The following ATP9B variants were observed in gnomAD, a reference collection of about 807,000 sequenced individuals.
ATP9B encodes the protein ATPase phospholipid transporting 9B.
Under a neutral mutation model 146.1 loss-of-function variants are expected in ATP9B, and 110 were observed. That is an observed-to-expected ratio of 0.75 (90% confidence interval 0.65 to 0.88). The LOEUF is 0.88. ATP9B is among the 40% of genes least tolerant of loss of function. ATP9B has a pLI of 0.00. For synonymous variants in ATP9B, 604 were observed against 569.7 expected (o/e 1.06, Z -0.86); for missense variants, 1,499 against 1,496.4 (o/e 1.00, Z -0.03).
chr18:79,275,997 T>C (rs2096304725), intron 12 of ATP9B, among the ~76,000 whole-genome samples: 2 of 152,256 alleles, frequency 1.3e-5, no homozygotes, highest in African/African-American at 4.8e-5. Flanking sequence ...GAGTGTGTAC[T>C]TATTAATAGT....
intron 12 of ATP9B, among the ~76,000 whole-genome samples, chr18:79,266,598 T>C (rs1367817238): frequency 6.6e-6 from 1 of 152,120 alleles, no homozygotes. Context: ...ATAGAAGCCT[T>C]TTAATGCCTT....
chr18:79,176,754 T>C, intron 7 of ATP9B, 59 bp from the exon 8 acceptor site: 2 of 1,434,684 alleles, frequency 1.4e-6, no homozygotes, highest in South Asian at 1.2e-5. Flanking sequence ...CACCTGTAGC[T>C]CAGGAAAAAC....
chr18:79,097,490 AT>A (rs974377905), intron 2 of ATP9B, among the ~76,000 whole-genome samples: 2 of 144,036 alleles, frequency 1.4e-5, no homozygotes, highest in South Asian at 2.2e-4. Context: ...TTAATTTTTT[AT>A]TTTTTTATTT....
At chr18:79,081,196 A>C (rs1176639738) in intron 1 of ATP9B, among the ~76,000 whole-genome samples, 1 of 152,164 alleles carries the variant, frequency 6.6e-6, no homozygotes, top group African/African-American at 2.4e-5. Context: ...AAGGAATGAT[A>C]CCAGCTCCTC....
At chr18:79,307,328 GA>G in intron 15 of ATP9B, 94 bp downstream of exon 15, 2 of 1,553,600 alleles carry the variant, frequency 1.3e-6, no homozygotes, top group South Asian at 2.4e-5. Context: ...GAATATAGAG[GA>G]GCAGTTTATC....
intron 13 of ATP9B, among the ~76,000 whole-genome samples, chr18:79,280,728 A>G (rs905880651): frequency 5.9e-5 from 9 of 151,862 alleles, no homozygotes; most frequent in African/African-American, 2.2e-4. Context: ...CAAATTTGAT[A>G]CATACTAGGC....
chr18:79,181,917 G>C (rs567762656), intron 8 of ATP9B, among the ~76,000 whole-genome samples: 28 of 152,014 alleles, frequency 1.8e-4, no homozygotes, highest in African/African-American at 2.7e-4. Context: ...TTTGGCCCTC[G>C]TTATAGGCCC....
chr18:79,336,640 G>A lies in ATP9B; in HGVS notation c.2041G>A (p.Ala681Thr), dbSNP rs1232008520. The change falls in exon 18 of 30, where the codon GCT becomes ACT. Residue 681 changes from alanine (A) to threonine (T), a missense_variant. Transcript: ENST00000426216. Reference sequence around the variant, plus strand: ...TCTCCTTTTCCAGTGCGGAAACATGGCTCGCGAAGGACTGCGGACCCTCGT... The same window carrying A: ...TCTCCTTTTCCAGTGCGGAAACATGACTCGCGAAGGACTGCGGACCCTCGT... ...DWLEEECGNM[A>T]REGLRTLVVA... The A allele has an allele frequency of 4.3e-6, 7 of 1,609,232 alleles. No homozygotes were observed. The highest frequency in any genetic ancestry group is 5.9e-6 in the Non-Finnish European group (7 of 1,178,032).
chr18:79,094,305 C>G (rs879724399), intron 1 of ATP9B, among the ~76,000 whole-genome samples: 4 of 152,206 alleles, frequency 2.6e-5, no homozygotes, highest in Non-Finnish European at 5.9e-5. Flanking sequence ...TTAGGGCATC[C>G]CTCGTCCAGC....
chr18:79,096,549 G>A lies in ATP9B; in HGVS notation c.193G>A (p.Glu65Lys), dbSNP rs372679952. ...GATGTCTGAAGAAGGCTTTGAGAATGAGGAAAGTGATTACCACACCTTACC... is the reference window on the plus strand; with the variant it reads ...GATGTCTGAAGAAGGCTTTGAGAATAAGGAAAGTGATTACCACACCTTACC... ...LMMSEEGFEN[E>K]ESDYHTLPRA... The change falls in exon 2 of 30, where the codon GAG (glutamate) becomes AAG (lysine). Residue 65 changes from glutamate (E) to lysine (K), a missense_variant. By Grantham distance (56) the Glu-to-Lys change is moderately conservative (BLOSUM62 1). Transcript: ENST00000426216. 80 of 1,613,906 alleles carry A rather than the reference G, an allele frequency of 5.0e-5. No individual in the cohort carries two copies. Among genetic ancestry groups the A allele is most frequent in the Non-Finnish European group, 6.4e-5 (75 of 1,179,932 alleles).
In ATP9B at chr18:79,154,603, A is replaced by G. The variant is rs763976237; in HGVS notation, c.778+48A>G. 10 of 1,294,334 alleles carry G rather than the reference A, an allele frequency of 7.7e-6. No homozygotes were observed. The South Asian group carries it at 1.1e-4, about 15-fold the overall frequency. The allele number at this position is 1,294,334 out of a possible 1,614,324, so 80.2% of individuals were successfully genotyped here. ...TTACCTAACTGTATATTATTGCAAAAACAAATTTACAAATATCTATACAAG... is the reference window on the plus strand; with the variant it reads ...TTACCTAACTGTATATTATTGCAAAGACAAATTTACAAATATCTATACAAG... On this transcript the variant is annotated intron_variant, in intron 7 of 29. Transcript: ENST00000426216.
intron 1 of ATP9B, among the ~76,000 whole-genome samples, chr18:79,079,668 A>G (rs1355259100): frequency 1.3e-5 from 2 of 152,064 alleles, no homozygotes; most frequent in African/African-American, 2.4e-5. Flanking sequence ...CCATTTGTCA[A>G]TTTTGGCTTT....
At position 79,365,685 on chromosome 18, in the gene ATP9B, G is replaced by A. The variant is rs115060895; in HGVS notation, c.3012+6223G>A. On this transcript the variant is annotated intron_variant, in intron 26 of 29. Coordinates refer to ENST00000426216, the MANE Select transcript of ATP9B (RefSeq NM_198531.5). Reference sequence around the variant, plus strand: ...GGATGGAAGGACATCTCCGTGGACGGGGACAGCTCCCGCGTGATGGAAGGA... The same window carrying A: ...GGATGGAAGGACATCTCCGTGGACGAGGACAGCTCCCGCGTGATGGAAGGA... Among the ~76,000 whole-genome samples the A allele has an allele frequency of 6.5e-3, 983 of 152,306 alleles. 4 individuals carry two copies. The highest frequency in any genetic ancestry group is 0.022 in the African/African-American group (920 of 41,566).
chr18:79,230,600 A>C (rs1027490374), intron 11 of ATP9B, among the ~76,000 whole-genome samples: 1 of 152,222 alleles, frequency 6.6e-6, no homozygotes, highest in African/African-American at 2.4e-5. Flanking sequence ...AACACATCCC[A>C]TGCTCATGGA....
At chr18:79,307,386 T>C in intron 15 of ATP9B, 152 bp downstream of exon 15, 1 of 1,138,224 alleles carries the variant, frequency 8.8e-7, no homozygotes. Context: ...CTGCCCAACC[T>C]ATTCCAGCAT....
chr18:79,074,949 C>G (rs368154449), intron 1 of ATP9B, among the ~76,000 whole-genome samples: 1 of 152,156 alleles, frequency 6.6e-6, no homozygotes, highest in African/African-American at 2.4e-5. Context: ...TGTGACTCAA[C>G]CTGTATGTTG....
intron 22 of ATP9B, 66 bp downstream of exon 22, chr18:79,345,638 C>T: frequency 6.3e-7 from 1 of 1,595,356 alleles, no homozygotes; most frequent in Non-Finnish European, 8.5e-7. Context: ...CATTGATGGG[C>T]AAAGTTTGTT....
chr18:79,157,315 G>A (rs2094801579), intron 7 of ATP9B, among the ~76,000 whole-genome samples: 1 of 136,716 alleles, frequency 7.3e-6, no homozygotes, highest in African/African-American at 2.8e-5. Context: ...AGAATCACTT[G>A]AACCTGGGAG....
intron 12 of ATP9B, among the ~76,000 whole-genome samples, chr18:79,269,553 G>T (rs1408210304): frequency 2.0e-5 from 3 of 151,960 alleles, no homozygotes; most frequent in Non-Finnish European, 2.9e-5. Flanking sequence ...AGATACCTTT[G>T]TCAATCTTTT....
Sources: gnomAD v4.1 joint callset for allele counts (sites outside exome capture counted in the v4.1 genomes callset) on GRCh38, gnomAD v4.1.1 for gene constraint, MANE v1.5 for transcripts, NCBI Gene and HGNC (gene_info 2026-07-23, HGNC 2026-07-21) for gene names.